The following SEMA6D variants were observed in gnomAD, a reference collection of about 807,000 sequenced individuals.
SEMA6D encodes the protein semaphorin-6D.
Under a neutral mutation model 106.6 loss-of-function variants are expected in SEMA6D, and 35 were observed. The observed-to-expected ratio is 0.33, with a 90% CI of 0.25 to 0.44. The LOEUF is 0.44. SEMA6D is among the 20% of genes least tolerant of loss of function. The pLI is 1.00. For synonymous variants in SEMA6D, 499 were observed against 487.7 expected (o/e 1.02, Z -0.31); for missense variants, 1,185 against 1,345.9 (o/e 0.88, Z 1.87).
intron 4 of SEMA6D, among the ~76,000 whole-genome samples, chr15:47,635,957 TAAA>T (rs5812405): frequency 2.9e-4 from 41 of 140,626 alleles, no homozygotes; most frequent in South Asian, 7.0e-4. Flanking sequence ...ACTTAAATGC[TAAA>T]AAAAAAAAAA....
At chr15:47,676,000 CTG>C (rs1263997152) in intron 4 of SEMA6D, among the ~76,000 whole-genome samples, 1 of 152,102 alleles carries the variant, frequency 6.6e-6, no homozygotes, top group Non-Finnish European at 1.5e-5. Flanking sequence ...CTGGCAGTGG[CTG>C]TGTCTATTTG....
chr15:47,277,798 T>A (rs1391549290), intron 1 of SEMA6D, among the ~76,000 whole-genome samples: 1 of 150,866 alleles, frequency 6.6e-6, no homozygotes, highest in Non-Finnish European at 1.5e-5. Flanking sequence ...GAGTGTGATG[T>A]TCCCCTTCCT....
chr15:47,611,187 G>A (rs1038167449), intron 4 of SEMA6D, among the ~76,000 whole-genome samples: 11 of 132,014 alleles, frequency 8.3e-5, no homozygotes, highest in Non-Finnish European at 1.3e-4. Context: ...ACACACACAC[G>A]CATGCACACA....
At chr15:47,682,137 A>T (rs1000171211) in intron 4 of SEMA6D, among the ~76,000 whole-genome samples, 7 of 151,886 alleles carry the variant, frequency 4.6e-5, no homozygotes, top group Non-Finnish European at 1.0e-4. Flanking sequence ...ATGTGAGGAG[A>T]CAATGGTGCA....
rs1009126964 is a variant in SEMA6D, at chr15:47,292,043, T to C, written c.-239+107625T>C. ...TTCTCAGGAAATCTCTTTTCTCCAATGTAGGAAGAACACATTAAAATGAAT... is the reference window on the plus strand; with the variant it reads ...TTCTCAGGAAATCTCTTTTCTCCAACGTAGGAAGAACACATTAAAATGAAT... On this transcript the variant is annotated intron_variant, in intron 1 of 19. Coordinates refer to the SEMA6D transcript ENST00000558014. Among the ~76,000 whole-genome samples the C allele has an allele frequency of 4.6e-4, 70 of 152,198 alleles. 1 individual carries two copies. The highest frequency in any genetic ancestry group is 3.4e-4 in the Non-Finnish European group (23 of 68,030).
intron 4 of SEMA6D, among the ~76,000 whole-genome samples, chr15:47,701,805 G>T (rs1267264540): frequency 6.6e-6 from 1 of 152,104 alleles, no homozygotes; most frequent in East Asian, 1.9e-4. Context: ...TGAAATGCAG[G>T]AAGCCTTGCT....
At chr15:47,701,045 T>G (rs183305363) in intron 4 of SEMA6D, among the ~76,000 whole-genome samples, 1 of 152,320 alleles carries the variant, frequency 6.6e-6, no homozygotes, top group East Asian at 1.9e-4. Context: ...CAGTGACATT[T>G]TAGATACAGC....
chr15:47,187,059 C>T (rs1257474950), intron 1 of SEMA6D, among the ~76,000 whole-genome samples: 3 of 151,908 alleles, frequency 2.0e-5, no homozygotes, highest in Non-Finnish European at 2.9e-5. Context: ...CCTGGCCATT[C>T]GCGTTTATTG....
At position 47,689,949 on chromosome 15, in the gene SEMA6D, C is replaced by T. The variant is rs949983718; in HGVS notation, c.-54-69796C>T. On this transcript the variant is annotated intron_variant, in intron 4 of 19. Coordinates refer to the SEMA6D transcript ENST00000558014. The stretch of plus-strand genomic sequence containing the variant: ...TTCCTGGACAGCAAGAGATTTGCTA[C>T]GGGTGGGGAAAGCAGGGATTTAGAG... Among the ~76,000 whole-genome samples, 17 of 152,166 alleles carry T rather than the reference C, an allele frequency of 1.1e-4. No homozygotes were observed. The South Asian group carries it at 1.5e-3, about 13-fold the overall frequency.
intron 4 of SEMA6D, among the ~76,000 whole-genome samples, chr15:47,689,349 T>C (rs576366484): frequency 2.0e-5 from 3 of 152,208 alleles, no homozygotes; most frequent in Non-Finnish European, 4.4e-5. Flanking sequence ...TTGGACAGCA[T>C]GTAACTGAAT....
chr15:47,233,918 G>C (rs1173812736), intron 1 of SEMA6D, among the ~76,000 whole-genome samples: 1 of 151,662 alleles, frequency 6.6e-6, no homozygotes, highest in East Asian at 1.9e-4. Context: ...TCCTTTTCTT[G>C]TCTTATTGCA....
chr15:47,394,548 T>C (rs2040147110), intron 1 of SEMA6D, among the ~76,000 whole-genome samples: 1 of 152,132 alleles, frequency 6.6e-6, no homozygotes, highest in African/African-American at 2.4e-5. Context: ...CGGTATTCAC[T>C]AATCACTTCC....
chr15:47,302,707 T>A lies in SEMA6D; in HGVS notation c.-238-109686T>A, dbSNP rs72623949. On this transcript the variant is annotated intron_variant, in intron 1 of 19. Coordinates refer to the SEMA6D transcript ENST00000558014. ...AGGATTCAACTTGTCTTCGACAGAT[T>A]TGAAGATGAAGGAAGAAGGCAATGA... 0.058 allele frequency among the ~76,000 whole-genome samples: 8,829 copies of A among 152,150 alleles called. 1,229 individuals carry two copies. In the East Asian group the frequency reaches 0.6, roughly 10 times the overall value.
At chr15:47,599,804 T>C (rs890244781) in intron 3 of SEMA6D, among the ~76,000 whole-genome samples, 2 of 152,128 alleles carry the variant, frequency 1.3e-5, no homozygotes, top group African/African-American at 2.4e-5. Context: ...CCAGGTGAAC[T>C]AATCAATCAA....
At chr15:47,227,438 T>TTTCTTTCTTTCTTTCTTTCTCTTTC (rs374904188) in intron 1 of SEMA6D, among the ~76,000 whole-genome samples, 3 of 77,666 alleles carry the variant, frequency 3.9e-5, no homozygotes, top group African/African-American at 1.5e-4. Flanking sequence ...TCTTTCTTTC[T>TTTCTTTCTTTCTTTCTTTCTCTTTC]TTTCTTTCTT....
At chr15:47,609,765 C>T (rs986234019) in intron 4 of SEMA6D, among the ~76,000 whole-genome samples, 4 of 152,184 alleles carry the variant, frequency 2.6e-5, no homozygotes, top group African/African-American at 9.7e-5. Context: ...TCTCCAAGTC[C>T]TCCCAGGCAC....
At chr15:47,191,196 TAC>T in intron 1 of SEMA6D, among the ~76,000 whole-genome samples, 1 of 148,148 alleles carries the variant, frequency 6.8e-6, no homozygotes, top group Non-Finnish European at 1.5e-5. Context: ...TATATATATA[TAC>T]TTGATATTCT....
rs60261871 is a variant in SEMA6D at position 47,232,526 on chromosome 15, G to GGTGTGTGTGTGTGT, written c.-239+48125_-239+48138dup. 2.4e-3 allele frequency among the ~76,000 whole-genome samples: 362 copies of GGTGTGTGTGTGTGT among 148,140 alleles called. 3 individuals carry two copies. The highest frequency in any genetic ancestry group is 8.6e-3 in the African/African-American group (349 of 40,434). Reference sequence around the variant, plus strand: ...AGCTCTTGTTATTCTATGGGGGGAGGGTGTGTGTGTGTGTGTGTGTGTGTG... The same window carrying GGTGTGTGTGTGTGT: ...AGCTCTTGTTATTCTATGGGGGGAGGGTGTGTGTGTGTGTGTGTGTGTGTGTGTGTGTGTGTGTG... On this transcript the variant is annotated intron_variant, in intron 1 of 19. Transcript: ENST00000558014.
At chr15:47,273,043 T>C (rs2034629484) in intron 1 of SEMA6D, among the ~76,000 whole-genome samples, 1 of 152,186 alleles carries the variant, frequency 6.6e-6, no homozygotes. Flanking sequence ...CATGACCTTC[T>C]TTACTCGCCT....
Sources: allele counts gnomAD v4.1 joint callset (sites outside exome capture counted in the v4.1 genomes callset), GRCh38; gene constraint gnomAD v4.1.1; transcripts MANE v1.5; gene names NCBI Gene and HGNC (gene_info 2026-07-23, HGNC 2026-07-21).